RALYL: variants seen among roughly 807,000 people sequenced by gnomAD.
RALYL encodes the protein RNA-binding Raly-like protein.
In RALYL, 29 loss-of-function variants were observed where a neutral mutation model predicts 35.1. The ratio of observed to expected loss-of-function variants is 0.83; its 90% CI spans 0.61 to 1.13. The LOEUF is 1.13. Ranked by LOEUF, RALYL falls within the 50% of genes most tolerant of loss-of-function variation. RALYL has a pLI of 0.00. For synonymous variants in RALYL, 120 were observed against 127.6 expected, an observed-to-expected ratio of 0.94 and a Z score of 0.40; for missense variants, 359 against 360.4, an observed-to-expected ratio of 1.00 and a Z score of 0.03.
intron 2 of RALYL, among the ~76,000 whole-genome samples, chr8:84,584,234 T>A (rs1811474878): frequency 6.6e-6 from 1 of 152,174 alleles, no homozygotes; most frequent in Non-Finnish European, 1.5e-5. Flanking sequence ...TAAGAATAGA[T>A]CATATGGCAG....
intron 1 of RALYL, among the ~76,000 whole-genome samples, chr8:84,321,241 T>C (rs1187800818): frequency 2.1e-4 from 32 of 152,130 alleles, no homozygotes; most frequent in Non-Finnish European, 2.1e-4. Context: ...TGTGAAGAAG[T>C]TGGAAGTCAT....
chr8:84,184,604 C>T (rs1811994214), intron 1 of RALYL, among the ~76,000 whole-genome samples, 180 bp downstream of exon 1: 2 of 152,136 alleles, frequency 1.3e-5, no homozygotes, highest in African/African-American at 4.8e-5. Context: ...AAAGTCCGTT[C>T]CCTGCTTCAG....
intron 2 of RALYL, among the ~76,000 whole-genome samples, chr8:84,586,643 C>G (rs973424085): frequency 6.6e-6 from 1 of 151,802 alleles, no homozygotes; most frequent in African/African-American, 2.4e-5. Flanking sequence ...ACAGCTACTA[C>G]AGTTGAGCTA....
chr8:84,375,309 C>A (rs927190733), intron 1 of RALYL, among the ~76,000 whole-genome samples: 1 of 151,848 alleles, frequency 6.6e-6, no homozygotes, highest in Non-Finnish European at 1.5e-5. Flanking sequence ...TGGATACAAA[C>A]TGTCCTAGTT....
intron 1 of RALYL, among the ~76,000 whole-genome samples, chr8:84,429,049 C>G (rs1220841183): frequency 6.6e-6 from 1 of 152,052 alleles, no homozygotes; most frequent in Non-Finnish European, 1.5e-5. Context: ...ATTCCTTTAT[C>G]TAATGAAAGC....
intron 5 of RALYL, among the ~76,000 whole-genome samples, chr8:84,858,806 C>T (rs1471199673): frequency 6.6e-6 from 1 of 152,186 alleles, no homozygotes; most frequent in Non-Finnish European, 1.5e-5. Context: ...TCCCCGCTTT[C>T]TATCCTTGTC....
chr8:84,550,235 C>T (rs2060625538), intron 2 of RALYL, among the ~76,000 whole-genome samples: 1 of 151,996 alleles, frequency 6.6e-6, no homozygotes, highest in Admixed American at 6.6e-5. Flanking sequence ...CTCTCTCTCC[C>T]CTCCACTTTC....
At chr8:84,638,870 A>AT (rs1491140121) in intron 2 of RALYL, among the ~76,000 whole-genome samples, 648 of 51,044 alleles carry the variant, frequency 0.013, 66 homozygotes, top group African/African-American at 0.028. Flanking sequence ...ATGCACGCAT[A>AT]AATATATATA....
intron 1 of RALYL, among the ~76,000 whole-genome samples, chr8:84,186,707 A>G (rs963746847): frequency 2.6e-5 from 4 of 152,170 alleles, no homozygotes; most frequent in Admixed American, 1.3e-4. Context: ...TAATTTCTGT[A>G]ACTTAAGATC....
At chr8:84,464,713 T>C (rs1173094210) in intron 1 of RALYL, among the ~76,000 whole-genome samples, 11 of 152,164 alleles carry the variant, frequency 7.2e-5, no homozygotes, top group East Asian at 1.9e-4. Flanking sequence ...AAGGAATCGC[T>C]ACACTGACTT....
intron 1 of RALYL, among the ~76,000 whole-genome samples, chr8:84,357,337 A>C (rs1282398283): frequency 6.6e-6 from 1 of 152,044 alleles, no homozygotes; most frequent in Admixed American, 6.6e-5. Flanking sequence ...CTTGATTTTG[A>C]GTGGCATCTC....
chr8:84,471,906 T>A (rs928327076), intron 1 of RALYL, among the ~76,000 whole-genome samples: 2 of 152,208 alleles, frequency 1.3e-5, no homozygotes, highest in African/African-American at 4.8e-5. Flanking sequence ...ATAAATAAAC[T>A]TGGTAATCCT....
At position 84,870,235 on chromosome 8, in the gene RALYL, T is replaced by C. The variant is rs115885711; in HGVS notation, c.572-3049T>C. On this transcript the variant is annotated intron_variant, in intron 6 of 8. Transcript: ENST00000521268. ...ACAAGACAACCAGAGATTTTTATTATGACAGTATGTTTGCTTTTGTGTATA... is the reference window on the plus strand; with the variant it reads ...ACAAGACAACCAGAGATTTTTATTACGACAGTATGTTTGCTTTTGTGTATA... 9.8e-3 allele frequency among the ~76,000 whole-genome samples: 1,497 copies of C among 152,120 alleles called. 21 individuals carry two copies. Among genetic ancestry groups the C allele is most frequent in the Middle Eastern group, 0.034 (10 of 294 alleles).
At chr8:84,903,067 G>T (rs1452260325) in intron 8 of RALYL, among the ~76,000 whole-genome samples, 1 of 151,974 alleles carries the variant, frequency 6.6e-6, no homozygotes, top group African/African-American at 2.4e-5. Flanking sequence ...TAACGACTTG[G>T]TTATGGTGTT....
chr8:84,430,053 A>G (rs1305341856), intron 1 of RALYL, among the ~76,000 whole-genome samples: 4 of 152,088 alleles, frequency 2.6e-5, no homozygotes, highest in Admixed American at 2.6e-4. Context: ...GAGATAATAC[A>G]ACACAGATTT....
At chr8:84,872,521 C>T (rs1013957189) in intron 6 of RALYL, 1 of 152,084 alleles carries the variant, frequency 6.6e-6, no homozygotes, top group African/African-American at 2.4e-5. Flanking sequence ...CAATAGTAGG[C>T]TATTTATTGT....
intron 1 of RALYL, among the ~76,000 whole-genome samples, chr8:84,456,601 A>T (rs1208324920): frequency 6.6e-6 from 1 of 152,014 alleles, no homozygotes; most frequent in East Asian, 1.9e-4. Flanking sequence ...GTATTTATTA[A>T]CCTCTCTCTA....
At chr8:84,209,479 C>T (rs1818926777) in intron 1 of RALYL, among the ~76,000 whole-genome samples, 1 of 152,154 alleles carries the variant, frequency 6.6e-6, no homozygotes, top group Admixed American at 6.6e-5. Context: ...GAACATCTAA[C>T]TCTAATTGTT....
intron 1 of RALYL, among the ~76,000 whole-genome samples, chr8:84,524,514 A>G (rs779443201): frequency 6.6e-6 from 1 of 152,162 alleles, no homozygotes; most frequent in South Asian, 2.1e-4. Context: ...TTTTTTATAC[A>G]ATGTAAGTGT....
Sources: gnomAD v4.1 joint callset for allele counts (sites outside exome capture counted in the v4.1 genomes callset) on GRCh38, gnomAD v4.1.1 for gene constraint, MANE v1.5 for transcripts, NCBI Gene and HGNC (gene_info 2026-07-23, HGNC 2026-07-21) for gene names.